The following SLC4A4 variants were observed in gnomAD, a reference collection of about 807,000 sequenced individuals.
SLC4A4 encodes the protein solute carrier family 4 member 4.
Under a neutral mutation model 111.5 loss-of-function variants are expected in SLC4A4, and 27 were observed. That is an observed-to-expected ratio of 0.24 (90% CI 0.18 to 0.33). The LOEUF (loss-of-function observed/expected upper bound fraction) is 0.33. Ranked by LOEUF, SLC4A4 falls within the 10% of genes least tolerant of loss-of-function variation. The pLI is 1.00. For synonymous variants in SLC4A4, 443 were observed against 463.4 expected (o/e 0.96, Z 0.57); for missense variants, 909 against 1,315.5 (o/e 0.69, Z 4.78).
chr4:71,166,320 C>T (rs1044825242), intron 2 of SLC4A4, among the ~76,000 whole-genome samples: 6 of 152,154 alleles, frequency 3.9e-5, no homozygotes, highest in Non-Finnish European at 8.8e-5. Context: ...AAATAATATA[C>T]TTTTAAAGTT....
Position 71,109,171 on chromosome 4 carries a change from G to T in SLC4A4, c.-2+16379G>T, listed in dbSNP as rs757293452. 2.0e-5 allele frequency among the ~76,000 whole-genome samples: 3 copies of T among 151,852 alleles called. No individual in the cohort carries two copies. The South Asian group carries it at 6.2e-4, about 32-fold the overall frequency. On this transcript the variant is annotated intron_variant, in intron 2 of 26. Transcript: ENST00000649996. ...TGTTTTTGTTTTTTGATTGCTGTAGGCTGTCTCTGTGCTGAGAATCTGCCT... is the reference window on the plus strand; with the variant it reads ...TGTTTTTGTTTTTTGATTGCTGTAGTCTGTCTCTGTGCTGAGAATCTGCCT...
At position 71,554,664 on chromosome 4, in the gene SLC4A4, C is replaced by A. The variant is rs578247895; in HGVS notation, c.2695-476C>A. Among the ~76,000 whole-genome samples the A allele has an allele frequency of 5.3e-5, 8 of 151,750 alleles. No homozygotes were observed. The South Asian group carries it at 1.7e-3, about 31-fold the overall frequency. ...ATGTTTATTTTATTGAAAGAGGCAT[C>A]TATATACCAAGCTGATAGACTATTT... On this transcript the variant is annotated intron_variant, in intron 20 of 25. Transcript: ENST00000264485.
At position 71,357,131 on chromosome 4, in the gene SLC4A4, C is replaced by G; in HGVS notation, c.674C>G (p.Ala225Gly). 1 of 1,614,182 alleles carries G rather than the reference C, an allele frequency of 6.2e-7. No homozygotes were observed. Among genetic ancestry groups the G allele is most frequent in the Non-Finnish European group, 8.5e-7 (1 of 1,180,018 alleles). ...QTKKSNLRSL[A>G]DIGKTVSSAS... ...AAGAAATCCAACCTTCGGTCCCTGG[C>G]TGACATTGGGAAGACAGTCTCCAGT... The change falls in exon 6 of 26, where the codon GCT (alanine) becomes GGT (glycine). Residue 225 changes from alanine (A) to glycine (G), a missense_variant. Physicochemically the swap from Ala to Gly is moderately conservative, Grantham distance 60 (BLOSUM62 0). Transcript: ENST00000264485.
chr4:71,152,629 A>T (rs1348319329), intron 2 of SLC4A4, among the ~76,000 whole-genome samples: 1 of 152,114 alleles, frequency 6.6e-6, no homozygotes, highest in African/African-American at 2.4e-5. Flanking sequence ...CTGAGGTACT[A>T]TGGACACACT....
chr4:71,088,208 T>G (rs1742251643), intron 1 of SLC4A4, among the ~76,000 whole-genome samples: 2 of 151,778 alleles, frequency 1.3e-5, no homozygotes, highest in Non-Finnish European at 2.9e-5. Flanking sequence ...GTCTGTTTTA[T>G]CAGAGACTCG....
At chr4:71,533,728 G>A (rs1734149814) in intron 17 of SLC4A4, among the ~76,000 whole-genome samples, 1 of 151,782 alleles carries the variant, frequency 6.6e-6, no homozygotes, top group South Asian at 2.1e-4. Flanking sequence ...ATATTATGAA[G>A]CTGTTAAAAT....
intron 3 of SLC4A4, among the ~76,000 whole-genome samples, chr4:71,315,521 C>G (rs904377693): frequency 6.6e-6 from 1 of 152,190 alleles, no homozygotes; most frequent in Admixed American, 6.6e-5. Flanking sequence ...CTGATGTGGA[C>G]CTTTTTCAAT....
chr4:71,343,523 A>G (rs75941092), intron 4 of SLC4A4, among the ~76,000 whole-genome samples: 2,423 of 152,312 alleles, frequency 0.016, 33 homozygotes, highest in Middle Eastern at 0.075. Context: ...TCAATAGACA[A>G]TTCCATTCTT....
At chr4:71,108,324 C>G (rs573255291) in intron 2 of SLC4A4, among the ~76,000 whole-genome samples, 1 of 152,142 alleles carries the variant, frequency 6.6e-6, no homozygotes, top group Non-Finnish European at 1.5e-5. Context: ...ACCATTCTTG[C>G]AGGGCAATTC....
intron 2 of SLC4A4, among the ~76,000 whole-genome samples, chr4:71,167,743 G>A (rs1744820247): frequency 6.6e-6 from 1 of 151,948 alleles, no homozygotes; most frequent in Non-Finnish European, 1.5e-5. Context: ...CCCCACTGTT[G>A]GTCTTCAAGT....
At position 71,478,481 on chromosome 4, in the gene SLC4A4, C is replaced by T. The variant is rs541260718; in HGVS notation, c.1903+5511C>T. On this transcript the variant is annotated intron_variant, in intron 14 of 25. Coordinates refer to ENST00000264485, the MANE Select transcript of SLC4A4 (RefSeq NM_001098484.3). ...CAGGGACATGGATGAAGCTGGAAAC[C>T]ATCATTCTCAGCAAACTAACATAGG... is the stretch of plus-strand genomic sequence containing the variant. Among the ~76,000 whole-genome samples the T allele has an allele frequency of 1.4e-4, 21 of 151,842 alleles. No homozygotes were observed. In the South Asian group the frequency reaches 4.4e-3, roughly 32 times the overall value.
At chr4:71,332,501 G>C (rs1043618430) in intron 3 of SLC4A4, among the ~76,000 whole-genome samples, 3 of 145,426 alleles carry the variant, frequency 2.1e-5, no homozygotes, top group African/African-American at 7.7e-5. Flanking sequence ...CGGGAGTGCT[G>C]TGGCGCGATC....
intron 23 of SLC4A4, among the ~76,000 whole-genome samples, chr4:71,561,242 ATTAT>A (rs1736952444): frequency 6.6e-6 from 1 of 151,808 alleles, no homozygotes; most frequent in African/African-American, 2.4e-5. Context: ...TTGTTATCAC[ATTAT>A]TTATTTTTGT....
intron 9 of SLC4A4, 106 bp downstream of exon 9, chr4:71,447,839 CT>C (rs2149071128): frequency 1.3e-6 from 1 of 778,448 alleles, no homozygotes; most frequent in South Asian, 1.4e-5. Context: ...GGTTACTAGA[CT>C]TCCTTATAGC....
At chr4:71,361,753 A>G (rs1178567903) in intron 6 of SLC4A4, among the ~76,000 whole-genome samples, 1 of 152,218 alleles carries the variant, frequency 6.6e-6, no homozygotes, top group Non-Finnish European at 1.5e-5. Flanking sequence ...TATTTAGTGT[A>G]TTATGAAAAA....
intron 2 of SLC4A4, among the ~76,000 whole-genome samples, chr4:71,170,255 C>T (rs1271486165): frequency 6.6e-6 from 1 of 152,156 alleles, no homozygotes; most frequent in Admixed American, 6.5e-5. Flanking sequence ...AGTTAAGCTT[C>T]CTGAAGACAG....
At chr4:71,325,329 T>G (rs1308057920) in intron 3 of SLC4A4, among the ~76,000 whole-genome samples, 2 of 151,970 alleles carry the variant, frequency 1.3e-5, no homozygotes, top group Non-Finnish European at 2.9e-5. Context: ...TAAAATGGAA[T>G]AATAGGAGGG....
At chr4:71,110,874 TG>T (rs1375136048) in intron 2 of SLC4A4, among the ~76,000 whole-genome samples, 1 of 152,178 alleles carries the variant, frequency 6.6e-6, no homozygotes, top group Non-Finnish European at 1.5e-5. Context: ...TTAATAAAGA[TG>T]TTTACCTACA....
At chr4:71,128,512 T>C (rs999776554) in intron 2 of SLC4A4, among the ~76,000 whole-genome samples, 2 of 152,048 alleles carry the variant, frequency 1.3e-5, no homozygotes, top group Non-Finnish European at 2.9e-5. Flanking sequence ...TTTCCTAAGA[T>C]GGGTCTCACT....
Sources: allele counts gnomAD v4.1 joint callset (sites outside exome capture counted in the v4.1 genomes callset), GRCh38; gene constraint gnomAD v4.1.1; transcripts MANE v1.5; gene names NCBI Gene and HGNC (gene_info 2026-07-23, HGNC 2026-07-21).